SLC38A6: variants seen among roughly 807,000 people sequenced by gnomAD.
The protein encoded by SLC38A6 is solute carrier family 38 member 6.
In SLC38A6, 73 loss-of-function variants were observed where a neutral mutation model predicts 65.0. That is an observed-to-expected ratio of 1.12 (90% CI 0.93 to 1.37). The LOEUF is 1.37. SLC38A6 is among the 40% of genes most tolerant of loss of function. The pLI, the probability that SLC38A6 is intolerant of heterozygous loss-of-function variation, is 0.00. For synonymous variants in SLC38A6, 183 were observed against 178.8 expected (o/e 1.02, Z -0.19); for missense variants, 561 against 531.1 (o/e 1.06, Z -0.55).
At chr14:61,045,537 CTAAG>C in intron 11 of SLC38A6, 112 bp downstream of exon 11, 1 of 753,050 alleles carries the variant, frequency 1.3e-6, no homozygotes, top group Non-Finnish European at 2.2e-6. Context: ...TCAGTGGATC[CTAAG>C]TGTTAGTTTA....
chr14:61,069,405 T>C (rs1041644286), intron 15 of SLC38A6, among the ~76,000 whole-genome samples: 1 of 152,054 alleles, frequency 6.6e-6, no homozygotes, highest in Non-Finnish European at 1.5e-5. Flanking sequence ...TAATCCCAGA[T>C]TCCCTTGCCT....
Position 61,051,916 on chromosome 14 carries a change from G to C in SLC38A6, c.1180G>C (p.Val394Leu), listed in dbSNP as rs1317459153. Residue 394 changes from valine to leucine, a missense_variant, in exon 14 of 16, where the codon GTA becomes CTA. Physicochemically the swap from Val to Leu is conservative, Grantham distance 32. Transcript: ENST00000267488. ...AATATATGTTCCTGACATTAGAAAT[G>C]TATTTGGTGTAGTTGGTAAGTTTTC... ...LAIYVPDIRNVFGVVGASTST... is the reference protein window; with the variant it reads ...LAIYVPDIRNLFGVVGASTST... 6.2e-7 allele frequency: 1 copy of C among 1,609,424 alleles called. No homozygotes were observed. Among genetic ancestry groups the C allele is most frequent in the Admixed American group, 1.7e-5 (1 of 59,104 alleles).
chr14:60,994,269 G>A (rs904080955), intron 3 of SLC38A6, among the ~76,000 whole-genome samples: 7 of 152,228 alleles, frequency 4.6e-5, no homozygotes, highest in African/African-American at 7.2e-5. Flanking sequence ...ATGAGGTGCC[G>A]GAGCCTTGGC....
chr14:61,035,824 T>G (rs1370481691), intron 6 of SLC38A6, among the ~76,000 whole-genome samples: 6 of 152,176 alleles, frequency 3.9e-5, no homozygotes, highest in African/African-American at 1.4e-4. Flanking sequence ...ACTTTAACTT[T>G]TAAAAATGTC....
chr14:61,006,081 G>T (rs888980774), intron 3 of SLC38A6, among the ~76,000 whole-genome samples: 31 of 152,196 alleles, frequency 2.0e-4, no homozygotes, highest in African/African-American at 7.5e-4. Flanking sequence ...ATGGGGAAGG[G>T]ATTCCCTATT....
intron 1 of SLC38A6, chr14:60,981,800 C>A: frequency 9.5e-7 from 1 of 1,048,228 alleles, no homozygotes; most frequent in Admixed American, 2.4e-5. Context: ...AAATAATAAA[C>A]ATTTTAATAC....
In SLC38A6 at chr14:61,043,180, C is replaced by T; in HGVS notation, c.658C>T (p.Leu220=). ...IIKKWSIPCP[L]TLNYVEKGFQ... The stretch of plus-strand genomic sequence containing the variant: ...TAAAAAATGGTCCATCCCTTGTCCT[C>T]TGACATTAAATTATGTAGAGAAAGG... The change falls in exon 9 of 16, where the codon CTG becomes TTG. Residue 220 remains leucine, a synonymous_variant. Coordinates refer to ENST00000267488, the MANE Select transcript of SLC38A6 (RefSeq NM_153811.3). 2 of 1,544,874 alleles carry T rather than the reference C, an allele frequency of 1.3e-6. No individual in the cohort carries two copies. The highest frequency in any genetic ancestry group is 1.8e-6 in the Non-Finnish European group (2 of 1,130,752).
intron 3 of SLC38A6, chr14:61,002,117 C>A (rs1357156898): frequency 6.6e-6 from 1 of 151,984 alleles, no homozygotes; most frequent in Non-Finnish European, 1.5e-5. Context: ...TACTGAGATC[C>A]CAGAATCATC....
chr14:61,031,627 A>G (rs2040998096), intron 6 of SLC38A6, among the ~76,000 whole-genome samples: 1 of 151,960 alleles, frequency 6.6e-6, no homozygotes, highest in African/African-American at 2.4e-5. Flanking sequence ...ACTCAAAACT[A>G]CCTTATTTTA....
chr14:61,062,283 G>A lies in SLC38A6; in HGVS notation c.1290+10148G>A, dbSNP rs1276370974. Among the ~76,000 whole-genome samples, 7 of 152,196 alleles carry A rather than the reference G, an allele frequency of 4.6e-5. No homozygotes were observed. The South Asian group carries it at 1.5e-3, about 32-fold the overall frequency. ...TGGCTGTAACATTTTATATTCCAGA[G>A]AGCAGTAAATTAGAGTTTCTGTTGT... On this transcript the variant is annotated intron_variant, in intron 15 of 16. Coordinates refer to the SLC38A6 transcript ENST00000354886.
intron 6 of SLC38A6, among the ~76,000 whole-genome samples, chr14:61,031,999 G>C (rs1299759399): frequency 6.6e-6 from 1 of 151,794 alleles, no homozygotes; most frequent in Non-Finnish European, 1.5e-5. Context: ...TTGCTGGGAT[G>C]ATCAAGTAAG....
intron 5 of SLC38A6, among the ~76,000 whole-genome samples, chr14:61,022,259 T>C (rs2040381527): frequency 6.6e-6 from 1 of 152,104 alleles, no homozygotes; most frequent in African/African-American, 2.4e-5. Flanking sequence ...ATGGATGCTA[T>C]TTTTTGTCAC....
At chr14:61,045,107 G>A (rs2042055438) in intron 10 of SLC38A6, among the ~76,000 whole-genome samples, 1 of 152,026 alleles carries the variant, frequency 6.6e-6, no homozygotes, top group South Asian at 2.1e-4. Context: ...CATGGTATGG[G>A]CAGCCAAATA....
At chr14:61,083,183 C>T (rs918716914) in intron 16 of SLC38A6, among the ~76,000 whole-genome samples, 2 of 152,170 alleles carry the variant, frequency 1.3e-5, no homozygotes, top group African/African-American at 2.4e-5. Flanking sequence ...CAGAGAGCAG[C>T]ACCAGTGGGA....
In SLC38A6 at chr14:61,071,953, T is replaced by C. The variant is rs140074424; in HGVS notation, c.1291-6857T>C. Among the ~76,000 whole-genome samples the C allele has an allele frequency of 1.6e-4, 24 of 152,252 alleles. 1 individual carries two copies. The East Asian group carries it at 3.7e-3, about 23-fold the overall frequency. On this transcript the variant is annotated intron_variant, in intron 15 of 16. Coordinates refer to the SLC38A6 transcript ENST00000354886. ...GTTTCTGATGAGTCCCATGTGAGAATTGTCCCCTTTGCATGTTTGCTGTTT... is the reference window on the plus strand; with the variant it reads ...GTTTCTGATGAGTCCCATGTGAGAACTGTCCCCTTTGCATGTTTGCTGTTT...
Position 61,030,431 on chromosome 14 carries a change from T to C in SLC38A6, c.404-14T>C. ...CATAGAATTCTAATAGGAACACTAT[T>C]TATTCTTTTGCAGCTATGTCATCTT... On this transcript the variant is annotated splice_polypyrimidine_tract_variant and intron_variant, in intron 5 of 15. Coordinates refer to ENST00000267488, the MANE Select transcript of SLC38A6 (RefSeq NM_153811.3). 3 of 1,581,546 alleles carry C rather than the reference T, an allele frequency of 1.9e-6. No homozygotes were observed. The highest frequency in any genetic ancestry group is 1.1e-5 in the South Asian group (1 of 87,078).
intron 15 of SLC38A6, chr14:61,073,855 C>CA (rs1005154302): frequency 4.3e-4 from 66 of 151,806 alleles, no homozygotes; most frequent in African/African-American, 1.5e-3. Context: ...AAGGCAAGAC[C>CA]AACCCCTCCC....
rs147190968 is a variant in SLC38A6 at position 61,046,682 on chromosome 14, C to T, written c.925+515C>T. 4.1e-3 allele frequency among the ~76,000 whole-genome samples: 619 copies of T among 152,258 alleles called. 2 individuals carry two copies. The highest frequency in any genetic ancestry group is 6.8e-3 in the Middle Eastern group (2 of 294). ...CATTCTATGATGCACCATGACCTTC[C>T]TCCTTAATTATTTTTACAGGTTCTT... On this transcript the variant is annotated intron_variant, in intron 12 of 15. Coordinates refer to ENST00000267488, the MANE Select transcript of SLC38A6 (RefSeq NM_153811.3).
At chr14:60,999,962 T>TTAC (rs2038589192) in intron 3 of SLC38A6, among the ~76,000 whole-genome samples, 2 of 152,224 alleles carry the variant, frequency 1.3e-5, no homozygotes, top group African/African-American at 4.8e-5. Context: ...TGATAATTTC[T>TTAC]TACAGCAGCC....
Sources: gnomAD v4.1 joint callset for allele counts (sites outside exome capture counted in the v4.1 genomes callset) on GRCh38, gnomAD v4.1.1 for gene constraint, MANE v1.5 for transcripts, NCBI Gene and HGNC (gene_info 2026-07-23, HGNC 2026-07-21) for gene names.